The following SORT1 variants were observed in gnomAD, a reference collection of about 807,000 sequenced individuals.
The protein encoded by SORT1 is sortilin 1.
Under a neutral mutation model 101.7 loss-of-function variants are expected in SORT1, and 39 were observed. The observed-to-expected ratio is 0.38, with a 90% CI of 0.30 to 0.50. The LOEUF (loss-of-function observed/expected upper bound fraction) is 0.50, where lower values mean the gene tolerates loss of function less well. SORT1 is among the 20% of genes least tolerant of loss of function. The pLI is 0.90. For missense variants in SORT1, 878 were observed against 1,040.4 expected, an observed-to-expected ratio of 0.84 and a Z score of 2.15; for synonymous variants, 396 against 393.7, an observed-to-expected ratio of 1.01 and a Z score of -0.07.
At chr1:109,354,615 T>C (rs1042949812) in intron 4 of SORT1, 84 bp from the exon 5 acceptor site, 3 of 1,021,760 alleles carry the variant, frequency 2.9e-6, no homozygotes, top group South Asian at 1.7e-5. Flanking sequence ...TCACCAGACA[T>C]TAGTTAAGAA....
chr1:109,352,277 T>C (rs551519893), intron 5 of SORT1, among the ~76,000 whole-genome samples: 1 of 151,930 alleles, frequency 6.6e-6, no homozygotes, highest in South Asian at 2.1e-4. Context: ...ACATTATAGG[T>C]GGTGGTAGCT....
In SORT1 at chr1:109,393,183, A is replaced by C. The variant is rs1363460883; in HGVS notation, c.306+4404T>G. ...GCAAACAAACACACGCATTCTTCCC[A>C]GAGCTGACACCCCATACAACACGGC... On this transcript the variant is annotated intron_variant, in intron 1 of 19. Coordinates refer to ENST00000256637, the MANE Select transcript of SORT1 (RefSeq NM_002959.7). 13 of 985,376 alleles carry C rather than the reference A, an allele frequency of 1.3e-5. No homozygotes were observed. The African/African-American group carries it at 1.9e-4, about 15-fold the overall frequency. The allele number at this position is 985,376 out of a possible 1,614,324, so 61.0% of individuals were successfully genotyped here.
chr1:109,382,688 C>T (rs547915065), intron 1 of SORT1, among the ~76,000 whole-genome samples: 16 of 152,266 alleles, frequency 1.1e-4, no homozygotes, highest in African/African-American at 3.6e-4. Flanking sequence ...CCATCTACTG[C>T]CCTCGGTAGG....
intron 1 of SORT1, among the ~76,000 whole-genome samples, chr1:109,391,172 C>T (rs148399768): frequency 1.4e-3 from 213 of 151,986 alleles, no homozygotes; most frequent in African/African-American, 5.0e-3. Flanking sequence ...AATATTACCC[C>T]CAAAATAAAA....
chr1:109,346,744 CAAAAAAAAAA>C (rs1035471524), intron 7 of SORT1, among the ~76,000 whole-genome samples: 1 of 46,732 alleles, frequency 2.1e-5, no homozygotes, highest in Non-Finnish European at 4.7e-5. Flanking sequence ...GACTCCGTCT[CAAAAAAAAAA>C]AAAAAAAAAA....
chr1:109,385,409 G>A (rs764367015), intron 1 of SORT1, among the ~76,000 whole-genome samples: 3 of 152,256 alleles, frequency 2.0e-5, no homozygotes, highest in Non-Finnish European at 2.9e-5. Context: ...AAAACCTTTG[G>A]CACTTATAAA....
chr1:109,325,845 A>C (rs192850968), intron 13 of SORT1, among the ~76,000 whole-genome samples: 312 of 151,824 alleles, frequency 2.1e-3, no homozygotes, highest in African/African-American at 6.8e-3. Context: ...ACAAAAAACC[A>C]CAAAAATTAG....
At chr1:109,387,891 A>C (rs1652672846) in intron 1 of SORT1, among the ~76,000 whole-genome samples, 1 of 152,188 alleles carries the variant, frequency 6.6e-6, no homozygotes, top group Non-Finnish European at 1.5e-5. Context: ...CGGAGGTTGC[A>C]GTGAGCCGAG....
intron 1 of SORT1, among the ~76,000 whole-genome samples, chr1:109,395,104 G>A (rs1158918165): frequency 6.9e-6 from 1 of 145,724 alleles, no homozygotes; most frequent in African/African-American, 2.5e-5. Context: ...CATTTTTAAG[G>A]TAAATGATAT....
chr1:109,340,578 A>G (rs947282105), intron 10 of SORT1, 146 bp downstream of exon 10: 2 of 203,392 alleles, frequency 9.8e-6, no homozygotes, highest in African/African-American at 5.8e-5. Flanking sequence ...TTGCCACAAT[A>G]AAAAAAAAAA....
chr1:109,394,768 G>A (rs893120760), intron 1 of SORT1, among the ~76,000 whole-genome samples: 1 of 152,150 alleles, frequency 6.6e-6, no homozygotes, highest in Admixed American at 6.5e-5. Context: ...GTGAATTAAT[G>A]TGGCTTGAAA....
intron 1 of SORT1, among the ~76,000 whole-genome samples, chr1:109,386,424 A>AG (rs1423448890): frequency 6.6e-6 from 1 of 152,256 alleles, no homozygotes; most frequent in Non-Finnish European, 1.5e-5. Context: ...GCATTCAGAC[A>AG]GGAAGAAACC....
chr1:109,356,506 T>C (rs572454878), intron 3 of SORT1, among the ~76,000 whole-genome samples: 2 of 152,272 alleles, frequency 1.3e-5, no homozygotes, highest in East Asian at 3.9e-4. Context: ...AACTATTCCC[T>C]TATTATTCAG....
chr1:109,368,509 A>T (rs553769871), intron 2 of SORT1: 1 of 152,178 alleles, frequency 6.6e-6, no homozygotes, highest in Non-Finnish European at 1.5e-5. Context: ...TATAACTATC[A>T]TGTGCCTCAA....
intron 4 of SORT1, 110 bp downstream of exon 4, chr1:109,355,257 C>G: frequency 1.5e-6 from 1 of 685,476 alleles, no homozygotes; most frequent in South Asian, 1.7e-5. Flanking sequence ...TATAGCAATA[C>G]TAAACTAAAA....
At chr1:109,349,145 G>A (rs1018617068) in intron 6 of SORT1, among the ~76,000 whole-genome samples, 1 of 152,098 alleles carries the variant, frequency 6.6e-6, no homozygotes, top group African/African-American at 2.4e-5. Flanking sequence ...AGGAGTTTGA[G>A]ACCAGCTTGG....
intron 11 of SORT1, among the ~76,000 whole-genome samples, chr1:109,334,070 C>T (rs111407414): frequency 4.8e-4 from 73 of 152,136 alleles, no homozygotes; most frequent in African/African-American, 1.4e-3. Context: ...CACCTGAACC[C>T]GGGAGGCGGA....
intron 3 of SORT1, among the ~76,000 whole-genome samples, chr1:109,359,556 A>C (rs1650573022): frequency 1.3e-5 from 2 of 152,004 alleles, no homozygotes; most frequent in African/African-American, 4.8e-5. Context: ...CTGGAGTGCA[A>C]TGGCATGATC....
rs111233099 is a variant in SORT1 at position 109,313,463 on chromosome 1, GA to G, written c.*579del. The G allele has an allele frequency of 0.012, 1,652 of 143,338 alleles. 20 individuals carry two copies. The highest frequency in any genetic ancestry group is 0.031 in the African/African-American group (1,224 of 39,268). 8.9% of individuals were successfully genotyped at this position (143,338 alleles called of 1,614,324 possible). ...AAAATCACTGTGGTCTGTGGTCTCT[GA>G]AAAAAAAAAAAAGAGTAAGTGGGAT... On this transcript the variant is annotated 3_prime_UTR_variant, in exon 20 of 20. Transcript: ENST00000256637.
Sources: allele counts gnomAD v4.1 joint callset (sites outside exome capture counted in the v4.1 genomes callset), GRCh38; gene constraint gnomAD v4.1.1; transcripts MANE v1.5; gene names NCBI Gene and HGNC (gene_info 2026-07-23, HGNC 2026-07-21).